Variants in RIF1 observed in about 807,000 individuals in gnomAD.
RIF1 encodes the protein replication timing regulatory factor 1.
Under a neutral mutation model 247.1 loss-of-function variants are expected in RIF1, and 45 were observed. That is an observed-to-expected ratio of 0.18 (90% confidence interval 0.14 to 0.23). The LOEUF (loss-of-function observed/expected upper bound fraction) is 0.23. Among genes scored for constraint, RIF1 ranks in the 10% least tolerant of loss-of-function variants. RIF1 has a pLI of 1.00. For missense variants in RIF1, 2,967 were observed against 2,862.5 expected, an observed-to-expected ratio of 1.04 and a Z score of -0.83; for synonymous variants, 1,087 against 978.8, an observed-to-expected ratio of 1.11 and a Z score of -2.06.
the RIF1 span, among the ~76,000 whole-genome samples, chr2:151,532,745 AC>A: frequency 1.2e-5 from 1 of 85,990 alleles, no homozygotes; most frequent in African/African-American, 4.0e-5. Flanking sequence ...AGCTCAATTA[AC>A]TTTTTTTTTT....
chr2:151,424,481 A>G (rs2152228405), intron 8 of RIF1, among the ~76,000 whole-genome samples: 1 of 152,336 alleles, frequency 6.6e-6, no homozygotes, highest in South Asian at 2.1e-4. Flanking sequence ...GTATGTATAT[A>G]ACACATTTTG....
rs1296081364 is a variant in RIF1 at position 151,481,592 on chromosome 2, A to C, written c.*6521A>C. On this transcript the variant is annotated 3_prime_UTR_variant, in exon 36 of 36. Coordinates refer to ENST00000444746, the MANE Select transcript of RIF1 (RefSeq NM_018151.5). ...AAACGCTAAGAGAGCTTAGTTTTAC[A>C]TTCACAAAGTATTTGTATTTGATAA... The C allele has an allele frequency of 6.6e-6, 1 of 152,254 alleles. No individual in the cohort carries two copies. Among genetic ancestry groups the C allele is most frequent in the Non-Finnish European group, 1.5e-5 (1 of 68,048 alleles). 9.4% of individuals were successfully genotyped at this position (152,254 alleles called of 1,614,324 possible).
chr2:151,462,453 A>G lies in RIF1; in HGVS notation c.3350A>G (p.Lys1117Arg), dbSNP rs994072117. The G allele has an allele frequency of 6.7e-5, 105 of 1,563,728 alleles. No individual in the cohort carries two copies. The highest frequency in any genetic ancestry group is 8.7e-5 in the Non-Finnish European group (100 of 1,152,692). Residue 1117 changes from lysine to arginine, a missense_variant, in exon 29 of 36, where the codon AAG (lysine) becomes AGG (arginine). Around this residue, in one of 7 missense-constraint regions of RIF1, gnomAD observed 2,028 missense variants for 1,825.6 expected, o/e 1.11. Transcript: ENST00000444746. ...TLTRKPKEDS[K>R]MMITEEQMDS... Reference sequence around the variant, plus strand: ...ACCAGAAAACCAAAGGAGGATTCTAAGATGATGATTACGGTATGTTTGACA... The same window carrying G: ...ACCAGAAAACCAAAGGAGGATTCTAGGATGATGATTACGGTATGTTTGACA...
In RIF1 at chr2:151,463,251, C is replaced by T. The variant is rs568597172; in HGVS notation, c.3731C>T (p.Ser1244Leu). The T allele has an allele frequency of 2.5e-4, 398 of 1,613,616 alleles. 3 individuals carry two copies. The South Asian group carries it at 4.3e-3, about 18-fold the overall frequency. Residue 1244 changes from serine to leucine, a missense_variant, in exon 30 of 36, where the codon TCA becomes TTA. Physicochemically the swap from Ser to Leu is moderately radical, Grantham distance 145. This residue lies in a region of RIF1 where 2,028 missense variants were observed against 1,825.6 expected (regional missense o/e 1.11). Transcript: ENST00000444746. ...AGTCCATCCCCCTTGAATAATATTT[C>T]ATCAACTGTTACAGTGAAAAATAAC... ...PFSPSPLNNI[S>L]STVTVKNNQE...
intron 10 of RIF1, among the ~76,000 whole-genome samples, chr2:151,434,557 C>A (rs1219925648): frequency 1.3e-5 from 2 of 150,832 alleles, no homozygotes; most frequent in Admixed American, 1.3e-4. Flanking sequence ...TCTCCTGCCT[C>A]AGCCTCCTGA....
chr2:151,452,315 AATTG>A, intron 21 of RIF1, among the ~76,000 whole-genome samples: 1 of 152,220 alleles, frequency 6.6e-6, no homozygotes, highest in Non-Finnish European at 1.5e-5. Flanking sequence ...AAAATCTGTT[AATTG>A]ATTCATTGAA....
At chr2:151,521,197 A>G in the RIF1 span, among the ~76,000 whole-genome samples, 2 of 152,194 alleles carry the variant, frequency 1.3e-5, no homozygotes, top group African/African-American at 4.8e-5. Flanking sequence ...ACAGACACAA[A>G]ATAACAATGA....
At chr2:151,518,916 T>C in the RIF1 span, 12 of 1,321,620 alleles carry the variant, frequency 9.1e-6, no homozygotes, top group Non-Finnish European at 1.1e-6. Flanking sequence ...AAGAATTTAG[T>C]TCCAAATGGG....
chr2:151,532,577 T>C, the RIF1 span, among the ~76,000 whole-genome samples: 10 of 152,144 alleles, frequency 6.6e-5, no homozygotes, highest in South Asian at 2.1e-4. Context: ...GCACAACTAT[T>C]TGAGGATCAT....
In RIF1 at chr2:151,457,796, G is replaced by A; in HGVS notation, c.2688G>A (p.Leu896=). 1 of 1,613,716 alleles carries A rather than the reference G, an allele frequency of 6.2e-7. No homozygotes were observed. Among genetic ancestry groups the A allele is most frequent in the Non-Finnish European group, 8.5e-7 (1 of 1,179,860 alleles). ...TACTGGGAGAAATTATTGCTTGTCT[G>A]CAATTCAGCTACACCGGAACTTATG... ...EKLLGEIIAC[L]QFSYTGTYDS... Residue 896 remains leucine, a synonymous_variant, in exon 24 of 36, where the codon CTG becomes CTA. Coordinates refer to ENST00000444746, the MANE Select transcript of RIF1 (RefSeq NM_018151.5).
At chr2:151,424,608 T>A (rs1688690087) in intron 8 of RIF1, among the ~76,000 whole-genome samples, 1 of 152,146 alleles carries the variant, frequency 6.6e-6, no homozygotes, top group East Asian at 1.9e-4. Flanking sequence ...TTTGGGTATA[T>A]GCTTAAGAGT....
chr2:151,434,622 A>G (rs1445766087), intron 10 of RIF1, among the ~76,000 whole-genome samples: 4 of 151,716 alleles, frequency 2.6e-5, no homozygotes, highest in Non-Finnish European at 5.9e-5. Context: ...TTGTATTTTT[A>G]GTAGAGACGG....
At chr2:151,443,417 T>G (rs1692709379) in intron 17 of RIF1, 88 bp downstream of exon 17, 3 of 1,344,668 alleles carry the variant, frequency 2.2e-6, no homozygotes, top group South Asian at 2.8e-5. Context: ...AAGTTTAAGT[T>G]TTTTTAAAAA....
intron 4 of RIF1, 116 bp from the exon 5 acceptor site, chr2:151,416,445 T>C: frequency 3.0e-6 from 3 of 993,642 alleles, no homozygotes; most frequent in Non-Finnish European, 4.4e-6. Context: ...TGATCTGTTC[T>C]CTGGATATAC....
In RIF1 at chr2:151,463,950, A is replaced by T. The variant is rs1559015667; in HGVS notation, c.4430A>T (p.Asn1477Ile). ...ATTGCTGAACAAACTCTACAGGAGA[A>T]TTTAATTGAGAAAGGAAGTAATTTA... ...KLIAEQTLQE[N>I]LIEKGSNLHE... The change falls in exon 30 of 36, where the codon AAT becomes ATT. Residue 1477 changes from asparagine to isoleucine, a missense_variant. Transcript: ENST00000444746. 6.2e-7 allele frequency: 1 copy of T among 1,610,362 alleles called. No individual in the cohort carries two copies. Among genetic ancestry groups the T allele is most frequent in the Non-Finnish European group, 8.5e-7 (1 of 1,179,104 alleles).
At chr2:151,460,543 T>C (rs1212961196) in intron 26 of RIF1, among the ~76,000 whole-genome samples, 2 of 152,026 alleles carry the variant, frequency 1.3e-5, no homozygotes, top group Non-Finnish European at 2.9e-5. Context: ...AACTAGCTCA[T>C]GCTAGTTGCC....
chr2:151,465,143 G>A lies in RIF1; in HGVS notation c.5623G>A (p.Glu1875Lys). The change falls in exon 30 of 36, where the codon GAA becomes AAA. Residue 1875 changes from glutamate (E) to lysine (K), a missense_variant. Glu to Lys is a moderately conservative substitution (Grantham distance 56). This residue lies in a region of RIF1 where 2,028 missense variants were observed against 1,825.6 expected (regional missense o/e 1.11). Coordinates refer to ENST00000444746, the MANE Select transcript of RIF1 (RefSeq NM_018151.5). Reference sequence around the variant, plus strand: ...AGGAGACTCGAAAAATGTTTCACAGGAATCTTTGGAGACAAAAGAAGAAAA... The same window carrying A: ...AGGAGACTCGAAAAATGTTTCACAGAAATCTTTGGAGACAAAAGAAGAAAA... ...CLGDSKNVSQ[E>K]SLETKEEKPE... 1 of 1,613,546 alleles carries A rather than the reference G, an allele frequency of 6.2e-7. No homozygotes were observed. The highest frequency in any genetic ancestry group is 8.5e-7 in the Non-Finnish European group (1 of 1,179,888).
At chr2:151,424,856 T>TTTTTC (rs1688757877) in intron 8 of RIF1, among the ~76,000 whole-genome samples, 1 of 110,418 alleles carries the variant, frequency 9.1e-6, no homozygotes, top group African/African-American at 3.1e-5. Context: ...TTTTTTTTTT[T>TTTTTC]CCATATTTTT....
chr2:151,432,747 C>G (rs1418606145), intron 9 of RIF1, among the ~76,000 whole-genome samples: 3 of 152,174 alleles, frequency 2.0e-5, no homozygotes, highest in Non-Finnish European at 4.4e-5. Flanking sequence ...TCCGTAGTCT[C>G]TACTCACTAA....
Sources: gnomAD v4.1 joint callset for allele counts (sites outside exome capture counted in the v4.1 genomes callset) on GRCh38, gnomAD v4.1.1 for gene constraint, gnomAD v4.1.1 regional missense constraint, MANE v1.5 for transcripts, NCBI Gene and HGNC (gene_info 2026-07-23, HGNC 2026-07-21) for gene names.